Variants in NEMP2 observed in about 807,000 individuals in gnomAD.
The protein encoded by NEMP2 is nuclear envelope integral membrane protein 2, also known as UPF0571 transmembrane protein.
NEMP2 carries 53 observed loss-of-function variants against 54.2 expected under a neutral mutation model. The ratio of observed to expected loss-of-function variants is 0.98; its 90% CI spans 0.78 to 1.23. The LOEUF (loss-of-function observed/expected upper bound fraction) is 1.23, where lower values mean the gene tolerates loss of function less well. Ranked by LOEUF, NEMP2 falls within the 50% of genes most tolerant of loss-of-function variation. NEMP2 has a pLI of 0.00. For synonymous variants in NEMP2, 197 were observed against 190.3 expected (o/e 1.04, Z -0.29); for missense variants, 455 against 511.3 (o/e 0.89, Z 1.06).
chr2:190,597,835 G>T, the NEMP2 span, among the ~76,000 whole-genome samples: 1 of 152,118 alleles, frequency 6.6e-6, no homozygotes, highest in African/African-American at 2.4e-5. This position sits in a 1 kb window ranked among gnomAD's most constrained non-coding sequence, Gnocchi z 4.7. Context: ...ATTTGAAAGT[G>T]GAATTTCTCT....
chr2:190,459,010 C>T, the NEMP2 span, among the ~76,000 whole-genome samples: 101 of 152,358 alleles, frequency 6.6e-4, no homozygotes, highest in African/African-American at 2.1e-3. This position sits in a 1 kb window ranked among gnomAD's most constrained non-coding sequence, Gnocchi z 5.3. Context: ...CCAAGTCTGA[C>T]GTAGAGAGTG....
the NEMP2 span, among the ~76,000 whole-genome samples, chr2:190,485,274 T>A: frequency 0.016 from 2,506 of 152,286 alleles, 71 homozygotes; most frequent in African/African-American, 0.057. This position sits in a 1 kb window ranked among gnomAD's most constrained non-coding sequence, Gnocchi z 5.1. Context: ...AATTGTTTTT[T>A]ATCTAGAATT....
At chr2:190,584,899 GA>G in the NEMP2 span, among the ~76,000 whole-genome samples, 1 of 3,034 alleles carries the variant, frequency 3.3e-4, no homozygotes, top group South Asian at 0.019. The surrounding 1 kb of genome is among the most constrained non-coding windows in gnomAD (Gnocchi z 4.2). Flanking sequence ...AAACAACAAT[GA>G]AAGAAAGAAA....
the NEMP2 span, chr2:190,497,529 T>A: frequency 6.2e-7 from 1 of 1,614,202 alleles, no homozygotes; most frequent in Non-Finnish European, 8.5e-7. The surrounding 1 kb of genome is among the most constrained non-coding windows in gnomAD (Gnocchi z 5.2). Context: ...ACAGAAGATG[T>A]CATGCCACGC....
rs557576540 is a variant in NEMP2, at chr2:190,527,037, A to G, written c.98-1659T>C. Among the ~76,000 whole-genome samples the G allele has an allele frequency of 6.6e-6, 1 of 152,188 alleles. No homozygotes were observed. ...TGGATTTGAAATGAAGTGGAATGAAAGTCGTAAGTTCTTCCGGATTCAAGA... is the reference window on the plus strand; with the variant it reads ...TGGATTTGAAATGAAGTGGAATGAAGGTCGTAAGTTCTTCCGGATTCAAGA... On this transcript the variant is annotated intron_variant, in intron 1 of 8. Coordinates refer to ENST00000409150, the MANE Select transcript of NEMP2 (RefSeq NM_001142645.2). The surrounding 1 kb of genome is among the most constrained non-coding windows in gnomAD (Gnocchi z 4.0).
At chr2:190,436,211 G>T in the NEMP2 span, 1 of 1,614,146 alleles carries the variant, frequency 6.2e-7, no homozygotes. The surrounding 1 kb of genome is among the most constrained non-coding windows in gnomAD (Gnocchi z 5.3). Context: ...GAGAAACATT[G>T]TGTTAAGATA....
At chr2:190,639,620 G>T in the NEMP2 span, among the ~76,000 whole-genome samples, 2 of 151,178 alleles carry the variant, frequency 1.3e-5, no homozygotes, top group African/African-American at 4.9e-5. Context: ...TCAAAGTAAT[G>T]CATGTTTATT....
At chr2:190,596,163 G>A in the NEMP2 span, among the ~76,000 whole-genome samples, 2 of 152,074 alleles carry the variant, frequency 1.3e-5, no homozygotes, top group African/African-American at 2.4e-5. This position sits in a 1 kb window ranked among gnomAD's most constrained non-coding sequence, Gnocchi z 5.1. Flanking sequence ...AAAACCAAAC[G>A]CTGCATGTTA....
At chr2:190,488,697 C>T in the NEMP2 span, 38 of 1,600,664 alleles carry the variant, frequency 2.4e-5, no homozygotes, top group Non-Finnish European at 3.2e-5. The surrounding 1 kb of genome is among the most constrained non-coding windows in gnomAD (Gnocchi z 6.4). Flanking sequence ...GCATTTCTTA[C>T]CTCAGTGCAG....
the NEMP2 span, among the ~76,000 whole-genome samples, chr2:190,428,649 GCTTGCTT>G: frequency 8.4e-6 from 1 of 119,676 alleles, no homozygotes; most frequent in South Asian, 3.1e-4. Context: ...ATTTAGAGAT[GCTTGCTT>G]ATTTATTTAT....
At chr2:190,572,834 TATATATATATATATATATATATATA>T in the NEMP2 span, among the ~76,000 whole-genome samples, 3 of 37,768 alleles carry the variant, frequency 7.9e-5, no homozygotes, top group African/African-American at 2.4e-4. Flanking sequence ...TTTTCATGAG[TATATATATATATATATATATATATA>T]TATATATATA....
At position 190,531,889 on chromosome 2, in the gene NEMP2, A is replaced by C. The variant is rs1691156501; in HGVS notation, c.97+2670T>G. On this transcript the variant is annotated intron_variant, in intron 1 of 8. Transcript: ENST00000409150. This position sits in a 1 kb window ranked among gnomAD's most constrained non-coding sequence, Gnocchi z 4.7. ...AGAATATGCTAAAAATAAAAAGCAC[A>C]AACACCTCAAATCTTAGCAGAACCT... Among the ~76,000 whole-genome samples, 1 of 152,230 alleles carries C rather than the reference A, an allele frequency of 6.6e-6. No homozygotes were observed. Among genetic ancestry groups the C allele is most frequent in the Admixed American group, 6.5e-5 (1 of 15,290 alleles).
At chr2:190,427,476 A>G in the NEMP2 span, among the ~76,000 whole-genome samples, 1 of 152,196 alleles carries the variant, frequency 6.6e-6, no homozygotes, top group African/African-American at 2.4e-5. Flanking sequence ...TTAGATAGCA[A>G]GCAGGCACTT....
At position 190,510,260 on chromosome 2, in the gene NEMP2, AAC is replaced by A; in HGVS notation, c.1130+99_1130+100del. ...TTCCACATCATCTGTTATCCAGGGA[AAC>A]AGTCTATTTCTACCCTGAAGTGCCT... On this transcript the variant is annotated intron_variant, in intron 8 of 8. Coordinates refer to ENST00000409150, the MANE Select transcript of NEMP2 (RefSeq NM_001142645.2). The surrounding 1 kb of genome is among the most constrained non-coding windows in gnomAD (Gnocchi z 5.7). 2 of 1,362,610 alleles carry A rather than the reference AAC, an allele frequency of 1.5e-6. No homozygotes were observed. The highest frequency in any genetic ancestry group is 1.4e-5 in the South Asian group (1 of 70,602). The allele number at this position is 1,362,610 out of a possible 1,614,324, so 84.4% of individuals were successfully genotyped here. A position where few individuals can be genotyped will look rare whatever the true frequency, so the allele number is the denominator to read the frequency against.
the NEMP2 span, among the ~76,000 whole-genome samples, chr2:190,553,717 C>G: frequency 6.6e-6 from 1 of 151,756 alleles, no homozygotes; most frequent in Non-Finnish European, 1.5e-5. Context: ...AGGACCATGT[C>G]AGAACATTTC....
the NEMP2 span, chr2:190,469,349 T>G: frequency 6.5e-6 from 1 of 152,800 alleles, no homozygotes; most frequent in African/African-American, 2.4e-5. The surrounding 1 kb of genome is among the most constrained non-coding windows in gnomAD (Gnocchi z 5.3). Flanking sequence ...CCCATTGTAG[T>G]GAAGTGGTTA....
At chr2:190,450,280 T>G in the NEMP2 span, among the ~76,000 whole-genome samples, 1 of 152,048 alleles carries the variant, frequency 6.6e-6, no homozygotes, top group Admixed American at 6.5e-5. Flanking sequence ...TGAAGGATAG[T>G]CTGGAAGAGT....
At chr2:190,473,256 T>C in the NEMP2 span, among the ~76,000 whole-genome samples, 2 of 152,186 alleles carry the variant, frequency 1.3e-5, no homozygotes, top group African/African-American at 4.8e-5. Context: ...TAAATATAAA[T>C]GGGCTAAATG....
At chr2:190,489,808 G>A in the NEMP2 span, 1 of 1,614,186 alleles carries the variant, frequency 6.2e-7, no homozygotes, top group Admixed American at 1.7e-5. This position sits in a 1 kb window ranked among gnomAD's most constrained non-coding sequence, Gnocchi z 6.6. Context: ...TGGCCTGCTT[G>A]GTGATCCTAC....
Sources: gnomAD v4.1 joint callset for allele counts (sites outside exome capture counted in the v4.1 genomes callset) on GRCh38, gnomAD v4.1.1 for gene constraint, Gnocchi (gnomAD v3.1) non-coding constraint, MANE v1.5 for transcripts, NCBI Gene and HGNC (gene_info 2026-07-23, HGNC 2026-07-21) for gene names.